The following MED13 variants were observed in gnomAD, a reference collection of about 807,000 sequenced individuals.
The protein encoded by MED13 is mediator of RNA polymerase II transcription subunit 13.
MED13 carries 23 observed loss-of-function variants against 225.2 expected under a neutral mutation model. That is an observed-to-expected ratio of 0.10 (90% confidence interval 0.07 to 0.14). MED13 has a LOEUF of 0.14. Ranked by LOEUF, MED13 falls within the 10% of genes least tolerant of loss-of-function variation. The pLI is 1.00. For missense variants in MED13, 2,197 were observed against 2,594.5 expected (o/e 0.85, Z 3.33); for synonymous variants, 942 against 889.2 (o/e 1.06, Z -1.06).
rs559744151 is a variant in MED13 at position 62,052,623 on chromosome 17, T to C, written c.384A>G (p.Glu128=). The C allele has an allele frequency of 1.2e-5, 19 of 1,605,350 alleles. No individual in the cohort carries two copies. The highest frequency in any genetic ancestry group is 3.3e-4 in the Middle Eastern group (2 of 6,064). Residue 128 remains glutamate, a synonymous_variant, in exon 3 of 30, where the codon GAA becomes GAG. Transcript: ENST00000397786. The part of the protein sequence containing the change: ...LLFKAVHNLL[E]RCLMNRNFVR... Reference sequence around the variant, plus strand: ...CAAAATTCCTGTTCATTAAACACCGTTCCAATAGATTGTGAACTGCTTTGA... The same window carrying C: ...CAAAATTCCTGTTCATTAAACACCGCTCCAATAGATTGTGAACTGCTTTGA...
At chr17:61,978,013 T>G (rs1215952384) in intron 16 of MED13, among the ~76,000 whole-genome samples, 1 of 152,202 alleles carries the variant, frequency 6.6e-6, no homozygotes, top group Non-Finnish European at 1.5e-5. Flanking sequence ...ATATACCAGG[T>G]AAAGCTCAAT....
At chr17:61,954,124 A>G (rs994135407) in intron 26 of MED13, among the ~76,000 whole-genome samples, 2 of 152,220 alleles carry the variant, frequency 1.3e-5, no homozygotes, top group Admixed American at 6.5e-5. Context: ...AAAACCAAAG[A>G]TAAGGAGGAT....
intron 8 of MED13, among the ~76,000 whole-genome samples, chr17:62,014,635 A>C (rs926279656): frequency 6.6e-6 from 1 of 152,110 alleles, no homozygotes; most frequent in African/African-American, 2.4e-5. Context: ...GCTCTTGAGT[A>C]CTTGAATTGT....
intron 9 of MED13, among the ~76,000 whole-genome samples, chr17:62,009,371 G>A (rs1388847374): frequency 1.3e-5 from 2 of 151,986 alleles, no homozygotes; most frequent in African/African-American, 4.8e-5. Context: ...AATACCCAGA[G>A]CATGCAAATA....
intron 21 of MED13, 104 bp from the exon 22 acceptor site, chr17:61,961,883 A>ATAG: frequency 9.4e-7 from 1 of 1,068,284 alleles, no homozygotes; most frequent in Non-Finnish European, 1.4e-6. Flanking sequence ...AATTTACACA[A>ATAG]AACCTAATTT....
intron 11 of MED13, 27 bp from the exon 12 acceptor site, chr17:61,987,155 A>C (rs2143481233): frequency 6.4e-7 from 1 of 1,558,818 alleles, no homozygotes; most frequent in East Asian, 2.3e-5. Flanking sequence ...GAAAAATAAA[A>C]TTAAAACTGC....
intron 17 of MED13, among the ~76,000 whole-genome samples, chr17:61,968,904 A>T (rs1175076257): frequency 6.6e-6 from 1 of 152,168 alleles, no homozygotes; most frequent in Non-Finnish European, 1.5e-5. Context: ...GGTGTGTGCC[A>T]CTATGCTTAG....
At chr17:61,996,864 T>C (rs2080351304) in intron 9 of MED13, among the ~76,000 whole-genome samples, 1 of 152,206 alleles carries the variant, frequency 6.6e-6, no homozygotes, top group African/African-American at 2.4e-5. Flanking sequence ...TTCACTAATT[T>C]AGCACAGATG....
At chr17:61,971,204 A>G (rs1472638218) in intron 17 of MED13, among the ~76,000 whole-genome samples, 1 of 152,010 alleles carries the variant, frequency 6.6e-6, no homozygotes, top group African/African-American at 2.4e-5. Flanking sequence ...AAAAAAGATA[A>G]TCTCTATATG....
intron 10 of MED13, among the ~76,000 whole-genome samples, chr17:61,993,650 C>T (rs778330136): frequency 1.6e-4 from 24 of 152,002 alleles, no homozygotes; most frequent in Admixed American, 5.9e-4. Flanking sequence ...TTATTGGGGG[C>T]CAGGCACGGT....
At chr17:62,035,279 T>C (rs2080792564) in intron 4 of MED13, among the ~76,000 whole-genome samples, 184 bp downstream of exon 4, 1 of 152,304 alleles carries the variant, frequency 6.6e-6, no homozygotes, top group East Asian at 1.9e-4. Flanking sequence ...TGGTAATACC[T>C]GTATTTAAAA....
chr17:61,970,922 G>A (rs2080102801), intron 17 of MED13, among the ~76,000 whole-genome samples: 1 of 151,800 alleles, frequency 6.6e-6, no homozygotes, highest in Non-Finnish European at 1.5e-5. Flanking sequence ...CTACTTGGCA[G>A]GCTGAGGTGA....
intron 11 of MED13, among the ~76,000 whole-genome samples, chr17:61,991,355 G>A (rs566407565): frequency 1.3e-5 from 2 of 151,834 alleles, no homozygotes; most frequent in South Asian, 2.1e-4. Flanking sequence ...CTGACCTCAG[G>A]TGATCCACCT....
At chr17:62,061,127 T>C (rs1415677833) in intron 2 of MED13, among the ~76,000 whole-genome samples, 2 of 152,198 alleles carry the variant, frequency 1.3e-5, no homozygotes, top group Non-Finnish European at 2.9e-5. Context: ...ACTGGTAACA[T>C]GAAACCTAGA....
At chr17:61,951,908 T>C (rs978001559) in intron 27 of MED13, among the ~76,000 whole-genome samples, 4 of 151,940 alleles carry the variant, frequency 2.6e-5, no homozygotes, top group African/African-American at 9.7e-5. Context: ...TTTCTTTTCT[T>C]TTTTTTTGAG....
At chr17:61,968,983 C>T (rs2080083236) in intron 17 of MED13, among the ~76,000 whole-genome samples, 1 of 151,778 alleles carries the variant, frequency 6.6e-6, no homozygotes, top group Non-Finnish European at 1.5e-5. Flanking sequence ...AACTCCTGAG[C>T]TCAAGTGATC....
chr17:61,948,808 C>G lies in MED13; in HGVS notation c.6292-1791G>C, dbSNP rs370195526. 5.8e-3 allele frequency among the ~76,000 whole-genome samples: 865 copies of G among 150,246 alleles called. 6 individuals are homozygous for G. Among genetic ancestry groups the G allele is most frequent in the African/African-American group, 0.02 (824 of 41,004 alleles). On this transcript the variant is annotated intron_variant, in intron 28 of 29. Coordinates refer to ENST00000397786, the MANE Select transcript of MED13 (RefSeq NM_005121.3). Reference sequence around the variant, plus strand: ...TACATAAGAATAAGTGAGTCACGGCCGGGCGCGGTGGCTCACGCCTGTAAT... The same window carrying G: ...TACATAAGAATAAGTGAGTCACGGCGGGGCGCGGTGGCTCACGCCTGTAAT...
chr17:62,035,814 GC>G (rs2080797748), intron 3 of MED13, among the ~76,000 whole-genome samples: 1 of 152,168 alleles, frequency 6.6e-6, no homozygotes, highest in Admixed American at 6.5e-5. Flanking sequence ...AGGAAAGGCT[GC>G]AAATACAGGA....
At chr17:61,979,595 A>AT (rs2080186057) in intron 16 of MED13, among the ~76,000 whole-genome samples, 2 of 152,138 alleles carry the variant, frequency 1.3e-5, no homozygotes, top group African/African-American at 4.8e-5. Flanking sequence ...GCCATAAGCC[A>AT]TATCTGTCAA....
Sources: gnomAD v4.1 joint callset for allele counts (sites outside exome capture counted in the v4.1 genomes callset) on GRCh38, gnomAD v4.1.1 for gene constraint, MANE v1.5 for transcripts, NCBI Gene and HGNC (gene_info 2026-07-23, HGNC 2026-07-21) for gene names.